Variants in ARHGEF4 observed in about 807,000 individuals in gnomAD.
ARHGEF4 encodes Rho guanine nucleotide exchange factor 4.
In ARHGEF4, 119 loss-of-function variants were observed where a neutral mutation model predicts 162.0. The ratio of observed to expected loss-of-function variants is 0.73; its 90% CI spans 0.63 to 0.86. ARHGEF4 has a LOEUF of 0.86. Ranked by LOEUF, ARHGEF4 falls within the 40% of genes least tolerant of loss-of-function variation. The pLI is 0.00. For synonymous variants in ARHGEF4, 1,014 were observed against 979.9 expected (o/e 1.03, Z -0.65); for missense variants, 2,488 against 2,456.0 (o/e 1.01, Z -0.28).
At chr2:130,847,786 C>G (rs1681099781) in intron 1 of ARHGEF4, among the ~76,000 whole-genome samples, 1 of 152,224 alleles carries the variant, frequency 6.6e-6, no homozygotes, top group Non-Finnish European at 1.5e-5. Flanking sequence ...AAGGTGAGGC[C>G]TCCACCTGGG....
At chr2:131,021,779 T>C (rs1689153557) in intron 4 of ARHGEF4, among the ~76,000 whole-genome samples, 1 of 152,254 alleles carries the variant, frequency 6.6e-6, no homozygotes, top group Non-Finnish European at 1.5e-5. Flanking sequence ...CTTCCATCGC[T>C]GAGTATGATG....
At chr2:130,839,198 T>TTA (rs1471896953) in intron 1 of ARHGEF4, among the ~76,000 whole-genome samples, 9 of 152,246 alleles carry the variant, frequency 5.9e-5, no homozygotes, top group African/African-American at 2.2e-4. Flanking sequence ...TACTTGTTCC[T>TTA]CTCAGACACT....
intron 4 of ARHGEF4, among the ~76,000 whole-genome samples, chr2:131,024,280 G>A (rs1689331520): frequency 6.6e-6 from 1 of 152,028 alleles, no homozygotes; most frequent in Admixed American, 6.6e-5. Context: ...TGTTTTTTGG[G>A]CGGGGGGTGT....
intron 4 of ARHGEF4, among the ~76,000 whole-genome samples, chr2:131,008,628 AT>A (rs1399644057): frequency 2.6e-5 from 4 of 151,440 alleles, no homozygotes; most frequent in Non-Finnish European, 5.9e-5. Flanking sequence ...TTTGTTTTGG[AT>A]TAATTGGATC....
intron 4 of ARHGEF4, among the ~76,000 whole-genome samples, chr2:130,996,489 CT>C (rs766294910): frequency 6.6e-6 from 1 of 152,108 alleles, no homozygotes; most frequent in Non-Finnish European, 1.5e-5. Flanking sequence ...ATTTTCAGTC[CT>C]TTGATTCTCT....
chr2:130,897,209 C>T (rs535352718), intron 1 of ARHGEF4, among the ~76,000 whole-genome samples: 1 of 152,332 alleles, frequency 6.6e-6, no homozygotes, highest in South Asian at 2.1e-4. Context: ...CGTGCCCTCA[C>T]CTCCCATGAA....
At chr2:131,041,105 G>A (rs1690780513) in intron 8 of ARHGEF4, 125 bp from the exon 9 acceptor site, 1 of 818,696 alleles carries the variant, frequency 1.2e-6, no homozygotes, top group Non-Finnish European at 1.9e-6. Context: ...CACAGCCTGG[G>A]TCTCCCCTAG....
chr2:130,887,672 A>T (rs955306867), intron 1 of ARHGEF4, among the ~76,000 whole-genome samples: 1 of 152,104 alleles, frequency 6.6e-6, no homozygotes, highest in Non-Finnish European at 1.5e-5. Flanking sequence ...ACAAAATGAC[A>T]AAAGTGTCCA....
In ARHGEF4 at chr2:130,882,864, C is replaced by T. The variant is rs1021513304; in HGVS notation, c.40-31122C>T. 2.0e-5 allele frequency among the ~76,000 whole-genome samples: 3 copies of T among 152,054 alleles called. No individual in the cohort carries two copies. The South Asian group carries it at 6.2e-4, about 32-fold the overall frequency. ...CCTCCCCATCCACAATGGGCTGAGT[C>T]CCCCGAGGGACAGGGACATAGGGCT... On this transcript the variant is annotated intron_variant, in intron 1 of 13. Transcript: ENST00000409359.
intron 1 of ARHGEF4, among the ~76,000 whole-genome samples, chr2:130,884,902 C>T (rs73960356): frequency 0.017 from 2,556 of 152,194 alleles, 97 homozygotes; most frequent in African/African-American, 0.057. Context: ...GAGGCTCGGC[C>T]TCTCTAGGCC....
intron 1 of ARHGEF4, among the ~76,000 whole-genome samples, chr2:130,868,624 C>T (rs958192948): frequency 3.9e-5 from 6 of 152,144 alleles, no homozygotes; most frequent in African/African-American, 1.4e-4. Context: ...GAGGCCAGGT[C>T]AGGCAGGAAG....
At chr2:130,917,650 T>G (rs1031986981) in intron 2 of ARHGEF4, among the ~76,000 whole-genome samples, 152 bp downstream of exon 2, 3 of 149,412 alleles carry the variant, frequency 2.0e-5, no homozygotes, top group Non-Finnish European at 4.5e-5. Flanking sequence ...CCTCCCCCAG[T>G]GAACACAGCG....
intron 4 of ARHGEF4, among the ~76,000 whole-genome samples, chr2:130,948,675 C>T (rs975263101): frequency 6.6e-6 from 1 of 152,250 alleles, no homozygotes; most frequent in Admixed American, 6.5e-5. Flanking sequence ...AAGGGCAATG[C>T]TCTGGAAGTC....
At chr2:130,923,213 A>C (rs1553514217) in intron 2 of ARHGEF4, among the ~76,000 whole-genome samples, 1 of 152,226 alleles carries the variant, frequency 6.6e-6, no homozygotes, top group Non-Finnish European at 1.5e-5. Context: ...TACAGGCGTG[A>C]GCCATCGCGC....
intron 1 of ARHGEF4, among the ~76,000 whole-genome samples, chr2:130,871,921 G>A (rs1678513422): frequency 6.6e-6 from 1 of 152,204 alleles, no homozygotes; most frequent in African/African-American, 2.4e-5. Context: ...GAACAGGGTG[G>A]GTGTGGGAGC....
chr2:131,018,081 A>G lies in ARHGEF4; in HGVS notation c.3986-9864A>G, dbSNP rs188085034. Reference sequence around the variant, plus strand: ...ACCACTCTACCAAATTTCAAGAATTATTTTATACCCACAGAAAACAAGACT... The same window carrying G: ...ACCACTCTACCAAATTTCAAGAATTGTTTTATACCCACAGAAAACAAGACT... On this transcript the variant is annotated intron_variant, in intron 4 of 13. Coordinates refer to ENST00000409359, the MANE Select transcript of ARHGEF4 (RefSeq NM_001367493.1). Among the ~76,000 whole-genome samples the G allele has an allele frequency of 2.6e-5, 4 of 152,350 alleles. No individual in the cohort carries two copies. In the East Asian group the frequency reaches 7.7e-4, roughly 29 times the overall value.
chr2:131,021,135 T>C (rs977519131), intron 4 of ARHGEF4, among the ~76,000 whole-genome samples: 5 of 152,326 alleles, frequency 3.3e-5, no homozygotes, highest in African/African-American at 1.2e-4. Context: ...ATTCTGTAGG[T>C]TGCCTGTTCA....
intron 1 of ARHGEF4, among the ~76,000 whole-genome samples, chr2:130,864,707 G>C (rs1464086477): frequency 6.6e-6 from 1 of 152,202 alleles, no homozygotes; most frequent in Non-Finnish European, 1.5e-5. Context: ...CTGGGCGACA[G>C]AGCCAGACTC....
In ARHGEF4 at chr2:131,046,726, C is replaced by T. The variant is rs552282273; in HGVS notation, c.*537C>T. The T allele has an allele frequency of 5.2e-5, 8 of 153,294 alleles. No individual in the cohort carries two copies. The highest frequency in any genetic ancestry group is 1.0e-4 in the Non-Finnish European group (7 of 68,694). The allele number at this position is 153,294 out of a possible 1,614,324, so 9.5% of individuals were successfully genotyped here. A position where few individuals can be genotyped will look rare whatever the true frequency, so the allele number is the denominator to read the frequency against. ...CCAGGAATTCCACACCCTTGTGTTG[C>T]GCCCGGAGCCCGCCCTTCGCCTCCC... On this transcript the variant is annotated 3_prime_UTR_variant, in exon 14 of 14. Coordinates refer to ENST00000409359, the MANE Select transcript of ARHGEF4 (RefSeq NM_001367493.1).
Sources: gnomAD v4.1 joint callset for allele counts (sites outside exome capture counted in the v4.1 genomes callset) on GRCh38, gnomAD v4.1.1 for gene constraint, MANE v1.5 for transcripts, NCBI Gene and HGNC (gene_info 2026-07-23, HGNC 2026-07-21) for gene names.